Variants in PTPRS observed in about 807,000 individuals in gnomAD.
The protein encoded by PTPRS is protein tyrosine phosphatase receptor type S, also known as receptor-type tyrosine-protein phosphatase S.
A neutral mutation model predicts 215.3 loss-of-function variants in PTPRS; 63 were observed. The ratio of observed to expected loss-of-function variants is 0.29; its 90% confidence interval spans 0.24 to 0.36. The LOEUF is 0.36. PTPRS is among the 10% of genes least tolerant of loss of function. The pLI, the probability that PTPRS is intolerant of heterozygous loss-of-function variation, is 1.00. For missense variants in PTPRS, 2,258 were observed against 2,825.8 expected (o/e 0.80, Z 4.56); for synonymous variants, 1,404 against 1,191.4 (o/e 1.18, Z -3.68).
At chr19:5,225,940 G>A in intron 16 of PTPRS, 96 bp from the exon 17 acceptor site, 2 of 1,015,548 alleles carry the variant, frequency 2.0e-6, no homozygotes, top group Non-Finnish European at 3.1e-6. Context: ...GGAGGATGCA[G>A]GGCCCGGATC....
chr19:5,327,188 C>T (rs770042648), intron 1 of PTPRS, among the ~76,000 whole-genome samples: 2 of 152,224 alleles, frequency 1.3e-5, no homozygotes, highest in Admixed American at 6.5e-5. Flanking sequence ...ACACTCCAAG[C>T]GCAACTCAAT....
chr19:5,311,834 A>G (rs1405373851), intron 1 of PTPRS, among the ~76,000 whole-genome samples: 1 of 152,022 alleles, frequency 6.6e-6, no homozygotes, highest in Non-Finnish European at 1.5e-5. Flanking sequence ...AGGTCAGGAG[A>G]TCGAGACCAT....
rs752695186 is a variant in PTPRS, at chr19:5,222,783, G to A, written c.3009C>T (p.Asp1003=). ...NALTLQGLKP[D]TAYDLQVRAH... ...CTCGCACTTGGAGGTCATAGGCCGTGTCGGGCTTCAGGCCCTGCAGCGTGA... is the reference window on the plus strand; with the variant it reads ...CTCGCACTTGGAGGTCATAGGCCGTATCGGGCTTCAGGCCCTGCAGCGTGA... The change falls in exon 18 of 38, where the codon GAC becomes GAT. Residue 1003 remains aspartate (D), a synonymous_variant. Coordinates refer to ENST00000262963, the MANE Select transcript of PTPRS (RefSeq NM_002850.4). The A allele has an allele frequency of 2.8e-5, 45 of 1,598,846 alleles. No homozygotes were observed. The Admixed American group carries it at 7.2e-4, about 26-fold the overall frequency.
rs532285854 is a variant in PTPRS at position 5,237,451 on chromosome 19, C to T, written c.1849+1468G>A. On this transcript the variant is annotated intron_variant, in intron 13 of 37. Transcript: ENST00000262963. This position sits in a 1 kb window ranked among gnomAD's most constrained non-coding sequence, Gnocchi z 4.2. ...GGGCCGAAGCCGCTTTCTAGGTGACCGTGTAGGTCACGTCCTTCACAATCC... is the reference window on the plus strand; with the variant it reads ...GGGCCGAAGCCGCTTTCTAGGTGACTGTGTAGGTCACGTCCTTCACAATCC... Among the ~76,000 whole-genome samples the T allele has an allele frequency of 5.4e-4, 83 of 152,302 alleles. No individual in the cohort carries two copies. Among genetic ancestry groups the T allele is most frequent in the African/African-American group, 1.9e-3 (80 of 41,554 alleles).
intron 2 of PTPRS, among the ~76,000 whole-genome samples, chr19:5,277,369 G>A (rs1303935343): frequency 1.3e-5 from 2 of 152,054 alleles, no homozygotes; most frequent in African/African-American, 4.8e-5. Flanking sequence ...TAAAAAGGGG[G>A]AAAAAGCCGG....
chr19:5,251,975 G>C (rs573901992), intron 9 of PTPRS, among the ~76,000 whole-genome samples: 2 of 112,430 alleles, frequency 1.8e-5, no homozygotes, highest in East Asian at 4.7e-4. Flanking sequence ...CCTGTTTTGG[G>C]GGGCCAAGAG....
intron 17 of PTPRS, among the ~76,000 whole-genome samples, chr19:5,223,560 A>ATT (rs35490567): frequency 3.1e-5 from 4 of 129,058 alleles, no homozygotes; most frequent in East Asian, 2.3e-4. Context: ...TGCGGTTGTG[A>ATT]TTTTTTTTTT....
chr19:5,271,054 AGG>A (rs2046865108), intron 4 of PTPRS, among the ~76,000 whole-genome samples: 1 of 152,154 alleles, frequency 6.6e-6, no homozygotes, highest in East Asian at 1.9e-4. Context: ...AACCCCTCCC[AGG>A]GCTCCAAGCT....
chr19:5,285,127 C>T (rs1051524341), intron 2 of PTPRS, among the ~76,000 whole-genome samples: 14 of 152,192 alleles, frequency 9.2e-5, no homozygotes, highest in Non-Finnish European at 2.9e-5. Context: ...ATGTCCACAT[C>T]ACAAGAATGC....
At position 5,257,793 on chromosome 19, in the gene PTPRS, C is replaced by T. The variant is rs1053314648; in HGVS notation, c.706+224G>A. Reference sequence around the variant, plus strand: ...AGCCTGCTGCCCACGGGGCATCTCTCGCAAGGCACGAGGAAGGGAATTTAA... The same window carrying T: ...AGCCTGCTGCCCACGGGGCATCTCTTGCAAGGCACGAGGAAGGGAATTTAA... On this transcript the variant is annotated intron_variant, in intron 8 of 37. Transcript: ENST00000262963. This position sits in a 1 kb window ranked among gnomAD's most constrained non-coding sequence, Gnocchi z 4.4. 6.6e-6 allele frequency among the ~76,000 whole-genome samples: 1 copy of T among 152,214 alleles called. No homozygotes were observed. Among genetic ancestry groups the T allele is most frequent in the Non-Finnish European group, 1.5e-5 (1 of 68,038 alleles).
chr19:5,245,849 G>A lies in PTPRS; in HGVS notation c.915C>T (p.Asp305=). ...RNVLELTDVK[D]SANYTCVAMS... ...TGGCCACGCAGGTGTAGTTGGCCGAGTCCTTGACATCTGTGAGTTCCAGCA... is the reference window on the plus strand; with the variant it reads ...TGGCCACGCAGGTGTAGTTGGCCGAATCCTTGACATCTGTGAGTTCCAGCA... The change falls in exon 10 of 38, where the codon GAC becomes GAT. Residue 305 remains aspartate, a synonymous_variant. Coordinates refer to ENST00000262963, the MANE Select transcript of PTPRS (RefSeq NM_002850.4). 1 of 1,613,944 alleles carries A rather than the reference G, an allele frequency of 6.2e-7. No individual in the cohort carries two copies. Among genetic ancestry groups the A allele is most frequent in the South Asian group, 1.1e-5 (1 of 91,028 alleles).
At chr19:5,211,927 C>T (rs1364000038) in intron 32 of PTPRS, 38 bp downstream of exon 32, 16 of 1,550,498 alleles carry the variant, frequency 1.0e-5, no homozygotes, top group African/African-American at 1.4e-5. Context: ...TGGGCCTCCT[C>T]CCCACCCCGC....
chr19:5,271,774 G>C (rs2046933765), intron 4 of PTPRS, among the ~76,000 whole-genome samples: 2 of 151,742 alleles, frequency 1.3e-5, no homozygotes, highest in Non-Finnish European at 2.9e-5. Context: ...GCCCAGGCTG[G>C]AGTGCAATGG....
rs566536694 is a variant in PTPRS at position 5,337,511 on chromosome 19, T to A, written c.-95+3153A>T. On this transcript the variant is annotated intron_variant, in intron 1 of 37. Coordinates refer to ENST00000262963, the MANE Select transcript of PTPRS (RefSeq NM_002850.4). ...CTCCCCATCTTGGCAAGTGGAGGTG[T>A]GCGCTGCCCTCAGACATCTGTGAAC... Among the ~76,000 whole-genome samples the A allele has an allele frequency of 3.9e-5, 6 of 152,284 alleles. No individual in the cohort carries two copies. The South Asian group carries it at 1.2e-3, about 32-fold the overall frequency.
At chr19:5,215,168 G>T in intron 28 of PTPRS, 121 bp downstream of exon 28, 1 of 1,353,502 alleles carries the variant, frequency 7.4e-7, no homozygotes, top group Non-Finnish European at 1.0e-6. Context: ...GTGGCCTCCA[G>T]TTGGAGCTGG....
intron 25 of PTPRS, 53 bp from the exon 26 acceptor site, chr19:5,216,820 TCC>T: frequency 1.6e-6 from 2 of 1,212,782 alleles, no homozygotes; most frequent in Non-Finnish European, 1.2e-6. Context: ...TAGGGGGGGG[TCC>T]CACCTCTGCC....
intron 3 of PTPRS, among the ~76,000 whole-genome samples, 164 bp from the exon 4 acceptor site, chr19:5,273,747 C>A (rs999962846): frequency 6.6e-6 from 1 of 152,012 alleles, no homozygotes; most frequent in South Asian, 2.1e-4. Flanking sequence ...GTGTCGGTGT[C>A]CAGTATAAAT....
intron 9 of PTPRS, among the ~76,000 whole-genome samples, chr19:5,247,845 C>T (rs983843562): frequency 4.6e-5 from 7 of 151,814 alleles, no homozygotes; most frequent in Non-Finnish European, 2.9e-5. Flanking sequence ...GGGGGGACGT[C>T]GGCAGGCGTG....
At chr19:5,275,949 C>T (rs1292851852) in intron 2 of PTPRS, among the ~76,000 whole-genome samples, 6 of 152,136 alleles carry the variant, frequency 3.9e-5, no homozygotes, top group Non-Finnish European at 7.3e-5. Context: ...CTCCTAGCCT[C>T]GAGCAATCCT....
Sources: allele counts gnomAD v4.1 joint callset (sites outside exome capture counted in the v4.1 genomes callset), GRCh38; gene constraint gnomAD v4.1.1; non-coding constraint Gnocchi (gnomAD v3.1); transcripts MANE v1.5; gene names NCBI Gene and HGNC (gene_info 2026-07-23, HGNC 2026-07-21).